Variants in TMEM117 observed in about 807,000 individuals in gnomAD.
TMEM117 encodes the protein transmembrane protein 117.
Under a neutral mutation model 52.4 loss-of-function variants are expected in TMEM117, and 27 were observed. The observed-to-expected ratio is 0.51, with a 90% confidence interval of 0.38 to 0.71. The LOEUF (loss-of-function observed/expected upper bound fraction) is 0.71. Among genes scored for constraint, TMEM117 ranks in the 30% least tolerant of loss-of-function variants. The probability of loss-of-function intolerance (pLI) is 0.00; values close to 1 mark genes in which losing one functional copy is unlikely to be tolerated. For synonymous variants in TMEM117, 215 were observed against 206.3 expected (o/e 1.04, Z -0.36); for missense variants, 556 against 630.5 (o/e 0.88, Z 1.26).
intron 3 of TMEM117, among the ~76,000 whole-genome samples, chr12:44,014,824 C>G (rs1946349064): frequency 6.6e-6 from 1 of 152,074 alleles, no homozygotes. Flanking sequence ...TTCCTTATAG[C>G]CTCTATTTGT....
intron 3 of TMEM117, among the ~76,000 whole-genome samples, chr12:44,065,556 A>G (rs1440892113): frequency 6.6e-6 from 1 of 152,216 alleles, no homozygotes; most frequent in East Asian, 1.9e-4. Flanking sequence ...AGTAGTTCAT[A>G]GGGAATTGTG....
downstream of TMEM117, among the ~76,000 whole-genome samples, chr12:44,391,298 T>A (rs1952160635): frequency 6.6e-6 from 1 of 152,118 alleles, no homozygotes; most frequent in African/African-American, 2.4e-5. Flanking sequence ...TCACCACATG[T>A]CTATTTGTAT....
chr12:43,909,545 T>C (rs866368808), intron 2 of TMEM117, among the ~76,000 whole-genome samples: 26 of 144,800 alleles, frequency 1.8e-4, no homozygotes, highest in Middle Eastern at 3.5e-3. Context: ...TTCAAAAAAT[T>C]AATGAATCCA....
At chr12:44,165,830 C>T (rs1948959252) in intron 4 of TMEM117, among the ~76,000 whole-genome samples, 1 of 152,114 alleles carries the variant, frequency 6.6e-6, no homozygotes, top group Admixed American at 6.6e-5. Flanking sequence ...GACAGAAAAT[C>T]AACAAAGAAA....
chr12:44,209,245 TTTA>T (rs1949613981), intron 4 of TMEM117, among the ~76,000 whole-genome samples: 1 of 152,110 alleles, frequency 6.6e-6, no homozygotes, highest in African/African-American at 2.4e-5. Context: ...TATTTTCAAC[TTTA>T]TTCTTTTTTT....
chr12:44,299,755 T>TC lies in TMEM117; in HGVS notation c.768+20dup, dbSNP rs1278101483. The TC allele has an allele frequency of 6.2e-7, 1 of 1,613,456 alleles. No homozygotes were observed. Among genetic ancestry groups the TC allele is most frequent in the South Asian group, 1.1e-5 (1 of 91,044 alleles). The stretch of plus-strand genomic sequence containing the variant: ...TGTGATGCAGGTAAGTGTATTTCCC[T>TC]CCCCTCAGTGAAGCTGCTGCATGCT... On this transcript the variant is annotated intron_variant, in intron 6 of 7. Transcript: ENST00000266534.
the TMEM117 span, among the ~76,000 whole-genome samples, chr12:43,812,189 T>A: frequency 6.6e-6 from 1 of 152,234 alleles, no homozygotes; most frequent in Non-Finnish European, 1.5e-5. Flanking sequence ...ATCTTACAAT[T>A]CTGGTTTCTA....
chr12:43,961,466 A>G (rs879418527), intron 3 of TMEM117, among the ~76,000 whole-genome samples: 1 of 152,204 alleles, frequency 6.6e-6, no homozygotes, highest in Admixed American at 6.5e-5. Flanking sequence ...AATCTTAAAG[A>G]TACTTATAGA....
At chr12:44,367,706 A>G (rs1951808153) in intron 6 of TMEM117, among the ~76,000 whole-genome samples, 1 of 152,096 alleles carries the variant, frequency 6.6e-6, no homozygotes, top group South Asian at 2.1e-4. Flanking sequence ...CTCCACTTGG[A>G]TATCTAATAA....
upstream of TMEM117, among the ~76,000 whole-genome samples, chr12:43,832,692 T>C (rs1394712839): frequency 2.0e-5 from 3 of 152,218 alleles, no homozygotes; most frequent in South Asian, 2.1e-4. Flanking sequence ...GGAAGTATTA[T>C]GTAAGATGAG....
intron 3 of TMEM117, among the ~76,000 whole-genome samples, chr12:44,035,143 T>C (rs572158260): frequency 3.9e-4 from 60 of 152,296 alleles, no homozygotes; most frequent in African/African-American, 1.4e-3. Context: ...GGCTTCATAA[T>C]TGTGTGAGCC....
intron 3 of TMEM117, among the ~76,000 whole-genome samples, chr12:44,055,959 A>C (rs1431303950): frequency 1.3e-5 from 2 of 152,200 alleles, no homozygotes; most frequent in Non-Finnish European, 2.9e-5. Context: ...TTAAACACTC[A>C]GCATAATTGT....
chr12:43,982,000 A>G (rs778771243), intron 3 of TMEM117, among the ~76,000 whole-genome samples: 48 of 152,152 alleles, frequency 3.2e-4, no homozygotes, highest in Admixed American at 2.0e-4. Context: ...TAGCTAGAAG[A>G]GAGCCTTTGA....
intron 3 of TMEM117, among the ~76,000 whole-genome samples, chr12:43,960,892 G>A (rs1397455341): frequency 1.3e-5 from 2 of 151,912 alleles, no homozygotes; most frequent in African/African-American, 4.8e-5. Context: ...CATTAATCTG[G>A]GGGAAATGCA....
intron 2 of TMEM117, among the ~76,000 whole-genome samples, chr12:43,874,410 G>A (rs1444242719): frequency 4.9e-5 from 7 of 142,880 alleles, no homozygotes; most frequent in Non-Finnish European, 7.6e-5. Context: ...GTGAAACCCC[G>A]TCCCTACTAA....
chr12:44,020,721 T>A (rs1463192875), intron 3 of TMEM117, among the ~76,000 whole-genome samples: 1 of 152,146 alleles, frequency 6.6e-6, no homozygotes, highest in Non-Finnish European at 1.5e-5. Flanking sequence ...TTATACATAT[T>A]TTAAGGAGTC....
intron 2 of TMEM117, among the ~76,000 whole-genome samples, chr12:43,854,094 A>C (rs954702506): frequency 2.6e-5 from 4 of 152,208 alleles, no homozygotes; most frequent in Non-Finnish European, 4.4e-5. Flanking sequence ...CCAGTCTTCT[A>C]TCTTTAGACT....
chr12:43,805,585 C>G, the TMEM117 span: 5 of 468,050 alleles, frequency 1.1e-5, no homozygotes, highest in Non-Finnish European at 2.1e-5. Flanking sequence ...GCATATTGAA[C>G]TGTCTGCACG....
chr12:43,966,609 G>T (rs558822973), intron 3 of TMEM117, among the ~76,000 whole-genome samples: 53 of 152,272 alleles, frequency 3.5e-4, no homozygotes, highest in African/African-American at 1.2e-3. Context: ...ATACTCACTT[G>T]TAACTAATTT....
Sources: gnomAD v4.1 joint callset for allele counts (sites outside exome capture counted in the v4.1 genomes callset) on GRCh38, gnomAD v4.1.1 for gene constraint, MANE v1.5 for transcripts, NCBI Gene and HGNC (gene_info 2026-07-23, HGNC 2026-07-21) for gene names.